CSMD1: variants seen among roughly 807,000 people sequenced by gnomAD.
CSMD1 encodes CUB and Sushi multiple domains 1.
In CSMD1, 213 loss-of-function variants were observed where a neutral mutation model predicts 417.5. That is an observed-to-expected ratio of 0.51 (90% CI 0.46 to 0.57). CSMD1 has a LOEUF of 0.57. Among genes scored for constraint, CSMD1 ranks in the 20% least tolerant of loss-of-function variants. The probability of loss-of-function intolerance (pLI) is 0.00; values close to 1 mark genes in which losing one functional copy is unlikely to be tolerated. For missense variants in CSMD1, 6,923 were observed against 4,529.7 expected (o/e 1.53, Z -15.17); for synonymous variants, 2,862 against 1,736.8 (o/e 1.65, Z -16.11).
At chr8:3,697,635 T>C (rs1329115514) in intron 7 of CSMD1, among the ~76,000 whole-genome samples, 2 of 152,214 alleles carry the variant, frequency 1.3e-5, no homozygotes, top group African/African-American at 2.4e-5. Flanking sequence ...TTGTTTTGAC[T>C]CTGTGGGCGC....
chr8:3,952,493 C>A (rs1811658550), intron 5 of CSMD1, among the ~76,000 whole-genome samples: 1 of 152,082 alleles, frequency 6.6e-6, no homozygotes, highest in Non-Finnish European at 1.5e-5. Flanking sequence ...CTAGTACTAA[C>A]AGATACAAGC....
At chr8:4,126,101 A>C in intron 3 of CSMD1, among the ~76,000 whole-genome samples, 1 of 151,322 alleles carries the variant, frequency 6.6e-6, no homozygotes, top group Non-Finnish European at 1.5e-5. Context: ...AGCAAGAAAA[A>C]CTCACTTTGA....
At chr8:4,396,248 G>T (rs557405116) in intron 3 of CSMD1, among the ~76,000 whole-genome samples, 88 of 152,038 alleles carry the variant, frequency 5.8e-4, no homozygotes, top group African/African-American at 2.0e-3. Flanking sequence ...GATCGCTTGA[G>T]CCCAGGTGTT....
rs182337427 is a variant in CSMD1 at position 4,706,068 on chromosome 8, T to G, written c.86-68510A>C. ...TAATTTTTTATATATACACAATACA[T>G]GATACATAAAATTTTAACATATAAT... On this transcript the variant is annotated intron_variant, in intron 1 of 69. Transcript: ENST00000635120. Among the ~76,000 whole-genome samples the G allele has an allele frequency of 3.2e-3, 475 of 150,756 alleles. 6 individuals carry two copies. The highest frequency in any genetic ancestry group is 0.011 in the African/African-American group (459 of 41,334).
chr8:3,122,324 G>A (rs957941017), intron 41 of CSMD1, among the ~76,000 whole-genome samples: 3 of 152,118 alleles, frequency 2.0e-5, no homozygotes, highest in Admixed American at 6.5e-5. Context: ...GCTGCTTTCT[G>A]GTAAAGCTAC....
At chr8:4,183,324 T>G (rs574337029) in intron 3 of CSMD1, among the ~76,000 whole-genome samples, 37 of 152,176 alleles carry the variant, frequency 2.4e-4, no homozygotes, top group Non-Finnish European at 4.7e-4. Flanking sequence ...TTTAAAATAA[T>G]TTATTCATGT....
At chr8:3,381,987 G>C (rs185174706) in intron 18 of CSMD1, among the ~76,000 whole-genome samples, 2 of 152,216 alleles carry the variant, frequency 1.3e-5, no homozygotes, top group African/African-American at 4.8e-5. Context: ...GCTGGGCGCG[G>C]TGGCTCACAT....
At chr8:3,901,602 T>G (rs1238206105) in intron 5 of CSMD1, among the ~76,000 whole-genome samples, 1 of 152,244 alleles carries the variant, frequency 6.6e-6, no homozygotes, top group Non-Finnish European at 1.5e-5. Flanking sequence ...TCAGATCTTT[T>G]GATAGTTTCT....
chr8:4,857,621 G>C (rs1317079088), intron 1 of CSMD1, among the ~76,000 whole-genome samples: 1 of 152,064 alleles, frequency 6.6e-6, no homozygotes, highest in African/African-American at 2.4e-5. Flanking sequence ...TACCAACAGG[G>C]AATACTACAA....
chr8:4,393,297 G>A (rs1803981274), intron 3 of CSMD1, among the ~76,000 whole-genome samples: 1 of 152,124 alleles, frequency 6.6e-6, no homozygotes, highest in Non-Finnish European at 1.5e-5. Context: ...TTTTAATTAG[G>A]TGCTTTAGAA....
intron 8 of CSMD1, among the ~76,000 whole-genome samples, chr8:3,610,952 C>G (rs1012281217): frequency 1.3e-5 from 2 of 151,594 alleles, no homozygotes; most frequent in Non-Finnish European, 2.9e-5. Context: ...AGCAACAGCA[C>G]CAGGCAGTAG....
At chr8:4,124,260 G>T (rs185172135) in intron 3 of CSMD1, among the ~76,000 whole-genome samples, 2 of 152,100 alleles carry the variant, frequency 1.3e-5, no homozygotes, top group African/African-American at 2.4e-5. Flanking sequence ...TTAACAGTAA[G>T]CACTGACTGG....
intron 52 of CSMD1, among the ~76,000 whole-genome samples, chr8:3,016,028 T>C (rs1808796782): frequency 1.3e-5 from 2 of 152,188 alleles, no homozygotes; most frequent in African/African-American, 2.4e-5. Context: ...AGCATGATAG[T>C]ATTCTTGGTT....
At chr8:4,162,185 T>G (rs1157329316) in intron 3 of CSMD1, among the ~76,000 whole-genome samples, 1 of 152,214 alleles carries the variant, frequency 6.6e-6, no homozygotes, top group Non-Finnish European at 1.5e-5. Context: ...GCGCAACTTT[T>G]CTTTCCAAAA....
chr8:4,528,036 C>G (rs548707518), intron 2 of CSMD1, among the ~76,000 whole-genome samples: 100 of 152,296 alleles, frequency 6.6e-4, no homozygotes, highest in African/African-American at 2.2e-3. Flanking sequence ...CTTTGGAAAA[C>G]ATGCATCAAA....
Position 3,380,681 on chromosome 8 carries a change from C to G in CSMD1, c.2782+6813G>C, listed in dbSNP as rs192468886. Among the ~76,000 whole-genome samples, 664 of 152,160 alleles carry G rather than the reference C, an allele frequency of 4.4e-3. 17 individuals carry two copies. The highest frequency in any genetic ancestry group is 0.041 in the Admixed American group (619 of 15,272). On this transcript the variant is annotated intron_variant, in intron 18 of 69. Coordinates refer to ENST00000635120, the MANE Select transcript of CSMD1 (RefSeq NM_033225.6). ...ACATGTTCTCACTCATAAGAGGGAGCTGAACAATGAGAACACATGGACACA... is the reference window on the plus strand; with the variant it reads ...ACATGTTCTCACTCATAAGAGGGAGGTGAACAATGAGAACACATGGACACA...
intron 5 of CSMD1, among the ~76,000 whole-genome samples, chr8:3,903,654 C>A (rs555137321): frequency 6.6e-6 from 1 of 152,040 alleles, no homozygotes; most frequent in Non-Finnish European, 1.5e-5. Context: ...GTTCTTGTTC[C>A]TTACAAATTG....
At chr8:3,835,615 G>C (rs1802643731) in intron 5 of CSMD1, among the ~76,000 whole-genome samples, 1 of 151,782 alleles carries the variant, frequency 6.6e-6, no homozygotes, top group Admixed American at 6.6e-5. Flanking sequence ...AATGCTAAAT[G>C]ACGAGTTAAT....
chr8:4,626,569 C>A (rs1264759694), intron 2 of CSMD1, among the ~76,000 whole-genome samples: 2 of 152,024 alleles, frequency 1.3e-5, no homozygotes, highest in Non-Finnish European at 2.9e-5. Flanking sequence ...AAGAGCTAGA[C>A]TCAGGGCATG....
Sources: gnomAD v4.1 joint callset for allele counts (sites outside exome capture counted in the v4.1 genomes callset) on GRCh38, gnomAD v4.1.1 for gene constraint, MANE v1.5 for transcripts, NCBI Gene and HGNC (gene_info 2026-07-23, HGNC 2026-07-21) for gene names.